The following HNF1B variants were observed in gnomAD, a reference collection of about 807,000 sequenced individuals.
HNF1B encodes HNF1 homeobox B.
HNF1B carries 8 observed loss-of-function variants against 61.7 expected under a neutral mutation model. That is an observed-to-expected ratio of 0.13 (90% CI 0.08 to 0.23). HNF1B has a LOEUF of 0.23. Ranked by LOEUF, HNF1B falls within the 10% of genes least tolerant of loss-of-function variation. HNF1B has a pLI of 1.00. For missense variants in HNF1B, 562 were observed against 714.5 expected, an observed-to-expected ratio of 0.79 and a Z score of 2.43; for synonymous variants, 314 against 287.7, an observed-to-expected ratio of 1.09 and a Z score of -0.93.
chr17:37,688,894 C>T (rs1030036402), intron 8 of HNF1B, among the ~76,000 whole-genome samples: 1 of 152,132 alleles, frequency 6.6e-6, no homozygotes, highest in Non-Finnish European at 1.5e-5. Flanking sequence ...CGCCTGTAAT[C>T]CCAGCACTTT....
Position 37,687,078 on chromosome 17 carries a change from C to CTTTCTTGCT in HNF1B, c.*285_*293dup. On this transcript the variant is annotated 3_prime_UTR_variant, in exon 9 of 9. Coordinates refer to ENST00000617811, the MANE Select transcript of HNF1B (RefSeq NM_000458.4). ...AAGGATCACAACATAGACAGTACGG[C>CTTTCTTGCT]TTTCTTGCTTCCTCTTCGGAGGTTC... 1 of 604,454 alleles carries CTTTCTTGCT rather than the reference C, an allele frequency of 1.7e-6. No homozygotes were observed. Among genetic ancestry groups the CTTTCTTGCT allele is most frequent in the East Asian group, 2.8e-5 (1 of 35,928 alleles). 37.4% of individuals were successfully genotyped at this position (604,454 alleles called of 1,614,324 possible). A position where few individuals can be genotyped will look rare whatever the true frequency, so the allele number is the denominator to read the frequency against.
intron 1 of HNF1B, among the ~76,000 whole-genome samples, chr17:37,740,967 C>CA (rs1299302794): frequency 6.6e-6 from 1 of 151,976 alleles, no homozygotes; most frequent in African/African-American, 2.4e-5. Flanking sequence ...CAGCACAGAA[C>CA]AAAAGTACTA....
intron 4 of HNF1B, among the ~76,000 whole-genome samples, chr17:37,725,227 C>T (rs1031287026): frequency 8.5e-5 from 13 of 152,204 alleles, no homozygotes; most frequent in African/African-American, 2.9e-4. Context: ...TTCCTTCCTC[C>T]TCAGAGCTCA....
intron 4 of HNF1B, among the ~76,000 whole-genome samples, chr17:37,711,542 G>A (rs2032935133): frequency 6.6e-6 from 1 of 152,218 alleles, no homozygotes; most frequent in Non-Finnish European, 1.5e-5. Context: ...TCTGGACAGA[G>A]ATCAGGCAAC....
At chr17:37,710,415 T>G in intron 5 of HNF1B, 88 bp downstream of exon 5, 1 of 1,509,308 alleles carries the variant, frequency 6.6e-7, no homozygotes. Flanking sequence ...CAATGGTTCA[T>G]TGTTTGAGGC....
At chr17:37,692,607 T>C (rs2032242049) in intron 8 of HNF1B, among the ~76,000 whole-genome samples, 1 of 147,100 alleles carries the variant, frequency 6.8e-6, no homozygotes, top group South Asian at 2.2e-4. Context: ...TCTGCATTCA[T>C]TCGTTCGTTC....
At chr17:37,727,455 C>G (rs775742004) in intron 4 of HNF1B, among the ~76,000 whole-genome samples, 2 of 152,146 alleles carry the variant, frequency 1.3e-5, no homozygotes. Flanking sequence ...AGATGAAGGC[C>G]CAGCAGCGGC....
At chr17:37,734,789 CTT>C (rs67472247) in intron 2 of HNF1B, among the ~76,000 whole-genome samples, 36 of 140,620 alleles carry the variant, frequency 2.6e-4, no homozygotes, top group Middle Eastern at 3.6e-3. Flanking sequence ...ATCTTAATAT[CTT>C]TTTTTTTTTT....
intron 7 of HNF1B, among the ~76,000 whole-genome samples, chr17:37,700,469 T>C (rs553350549): frequency 2.0e-4 from 31 of 152,358 alleles, no homozygotes; most frequent in Non-Finnish European, 4.1e-4. Flanking sequence ...GTGTTCATGG[T>C]TCTTGATTAG....
chr17:37,699,296 TA>T, intron 7 of HNF1B, 102 bp from the exon 8 acceptor site: 1 of 868,822 alleles, frequency 1.2e-6, no homozygotes, highest in East Asian at 2.4e-5. Context: ...CTCAGGTAGA[TA>T]AAAGGGCTGG....
rs765372903 is a variant in HNF1B, at chr17:37,687,286, G to T, written c.*86C>A. 6.2e-7 allele frequency: 1 copy of T among 1,612,988 alleles called. No homozygotes were observed. Among genetic ancestry groups the T allele is most frequent in the Non-Finnish European group, 8.5e-7 (1 of 1,179,418 alleles). On this transcript the variant is annotated 3_prime_UTR_variant, in exon 9 of 9. Coordinates refer to ENST00000617811, the MANE Select transcript of HNF1B (RefSeq NM_000458.4). ...CTCGCAGGTGCTGGTCAGGTCACTG[G>T]GCTTTTCCATGACAGCTGCCCAGAG...
intron 4 of HNF1B, chr17:37,728,849 G>C (rs977624206): frequency 6.5e-6 from 1 of 153,194 alleles, no homozygotes; most frequent in Non-Finnish European, 1.5e-5. Context: ...CCCCAGCATC[G>C]TGCATCTCAG....
At chr17:37,733,887 C>G in intron 2 of HNF1B, 66 bp from the exon 3 acceptor site, 1 of 1,576,132 alleles carries the variant, frequency 6.3e-7, no homozygotes, top group South Asian at 1.1e-5. Flanking sequence ...GACAGACAGA[C>G]AGACAGACAA....
chr17:37,731,679 T>C lies in HNF1B; in HGVS notation c.961A>G (p.Asn321Asp), dbSNP rs1208894321. The C allele has an allele frequency of 6.2e-7, 1 of 1,614,136 alleles. No homozygotes were observed. The highest frequency in any genetic ancestry group is 1.1e-5 in the South Asian group (1 of 91,078). ...AGAGGGTTCAGGCTGTGAGTCTGGT[T>C]GGAGCTATAGGCGTCCATGGCCAGC... Reference protein sequence around the residue: ...QKLAMDAYSSNQTHSLNPLLS... With the variant: ...QKLAMDAYSSDQTHSLNPLLS... The change falls in exon 4 of 9, where the codon AAC becomes GAC. Residue 321 changes from asparagine (N) to aspartate (D), a missense_variant. Asn to Asp is a conservative substitution (Grantham distance 23). Transcript: ENST00000617811.
chr17:37,744,613 A>G lies in HNF1B; in HGVS notation c.272T>C (p.Ile91Thr). ...EDGDDYDTPPILKELQALNTE... is the reference protein window; with the variant it reads ...EDGDDYDTPPTLKELQALNTE... Reference sequence around the variant, plus strand: ...GTTGAGCGCCTGCAGCTCCTTGAGGATGGGAGGTGTGTCATAGTCGTCGCC... The same window carrying G: ...GTTGAGCGCCTGCAGCTCCTTGAGGGTGGGAGGTGTGTCATAGTCGTCGCC... Residue 91 changes from isoleucine to threonine, a missense_variant, in exon 1 of 9, where the codon ATC becomes ACC. Around this residue, in one of 6 missense-constraint regions of HNF1B, gnomAD observed 148 missense variants for 147.3 expected, o/e 1.00. Transcript: ENST00000617811. 6.2e-7 allele frequency: 1 copy of G among 1,610,350 alleles called. No homozygotes were observed. The highest frequency in any genetic ancestry group is 8.5e-7 in the Non-Finnish European group (1 of 1,179,964).
chr17:37,702,645 C>T (rs1415284395), intron 6 of HNF1B, among the ~76,000 whole-genome samples: 1 of 152,170 alleles, frequency 6.6e-6, no homozygotes, highest in Non-Finnish European at 1.5e-5. Context: ...GAAACTGCTG[C>T]CCAAAAAAGC....
chr17:37,693,258 C>T (rs145780230), intron 8 of HNF1B, among the ~76,000 whole-genome samples: 17 of 148,494 alleles, frequency 1.1e-4, no homozygotes, highest in East Asian at 2.0e-4. Context: ...GGATCACAGA[C>T]GGGAGAGAAA....
chr17:37,734,940 C>T (rs2033792075), intron 2 of HNF1B, among the ~76,000 whole-genome samples: 1 of 151,990 alleles, frequency 6.6e-6, no homozygotes, highest in Admixed American at 6.6e-5. Context: ...AGGTGTGCGG[C>T]ACCATGCCCA....
Position 37,710,555 on chromosome 17 carries a change from G to A in HNF1B, c.1154C>T (p.Ser385Phe). Residue 385 changes from serine (S) to phenylalanine (F), a missense_variant, in exon 5 of 9, where the codon TCC becomes TTC. This residue lies in a region of HNF1B where 211 missense variants were observed against 200.7 expected (regional missense o/e 1.05). Transcript: ENST00000617811. Reference sequence around the variant, plus strand: ...GTGGCCTGGGTCCAGGCTGGCTGGGGAGACTTGCTGTAAAACCGACTGGCT... The same window carrying A: ...GTGGCCTGGGTCCAGGCTGGCTGGGAAGACTTGCTGTAAAACCGACTGGCT... ...VTSQSVLQQV[S>F]PASLDPGHNL... is the part of the protein sequence containing the mutation. The A allele has an allele frequency of 1.9e-6, 3 of 1,614,192 alleles. No homozygotes were observed. The highest frequency in any genetic ancestry group is 2.5e-6 in the Non-Finnish European group (3 of 1,180,030).
Sources: gnomAD v4.1 joint callset for allele counts (sites outside exome capture counted in the v4.1 genomes callset) on GRCh38, gnomAD v4.1.1 for gene constraint, gnomAD v4.1.1 regional missense constraint, MANE v1.5 for transcripts, NCBI Gene and HGNC (gene_info 2026-07-23, HGNC 2026-07-21) for gene names.